Variants in DBH observed in about 807,000 individuals in gnomAD.
DBH encodes the protein dopamine beta-hydroxylase.
DBH carries 49 observed loss-of-function variants against 64.0 expected under a neutral mutation model. That is an observed-to-expected ratio of 0.77 (90% CI 0.61 to 0.97). DBH has a LOEUF of 0.97. Ranked by LOEUF, DBH falls within the 50% of genes least tolerant of loss-of-function variation. The probability of loss-of-function intolerance (pLI) is 0.00; values close to 1 mark genes in which losing one functional copy is unlikely to be tolerated. For synonymous variants in DBH, 343 were observed against 347.1 expected, an observed-to-expected ratio of 0.99 and a Z score of 0.13; for missense variants, 828 against 826.6, an observed-to-expected ratio of 1.00 and a Z score of -0.02.
At position 133,651,755 on chromosome 9, in the gene DBH, A is replaced by G. The variant is rs1321530510; in HGVS notation, c.1313A>G (p.Asn438Ser). 1.2e-6 allele frequency: 2 copies of G among 1,611,358 alleles called. No homozygotes were observed. The highest frequency in any genetic ancestry group is 1.3e-5 in the African/African-American group (1 of 74,894). Residue 438 changes from asparagine to serine, a missense_variant, in exon 7 of 12, where the codon AAT (asparagine) becomes AGT (serine). Coordinates refer to ENST00000393056, the MANE Select transcript of DBH (RefSeq NM_000787.4). ...GREWEIVNQD[N>S]HYSPHFQEIR... ...GAGTGGGAGATCGTGAACCAGGACAATCACTACAGCCCTCACTTCCAGGTA... is the reference window on the plus strand; with the variant it reads ...GAGTGGGAGATCGTGAACCAGGACAGTCACTACAGCCCTCACTTCCAGGTA...
intron 11 of DBH, chr9:133,657,444 A>G (rs1323394969): frequency 2.6e-6 from 1 of 386,900 alleles, no homozygotes; most frequent in Non-Finnish European, 4.7e-6. Context: ...GAGAGAGAGG[A>G]GAGAGAGGAG....
rs1832141166 is a variant in DBH at position 133,643,463 on chromosome 9, A to T, written c.795A>T (p.Glu265Asp). The change falls in exon 4 of 12, where the codon GAA (glutamate) becomes GAT (aspartate). Residue 265 changes from glutamate to aspartate, a missense_variant. Transcript: ENST00000393056. The surrounding 1 kb of genome is among the most constrained non-coding windows in gnomAD (Gnocchi z 5.3). ...KGNEALVHHMEVFQCAPEMDS... is the reference protein window; with the variant it reads ...KGNEALVHHMDVFQCAPEMDS... ...ATGAGGCCCTTGTCCACCACATGGA[A>T]GTCTTCCAGTGCGCCCCCGAGATGG... 6.2e-7 allele frequency: 1 copy of T among 1,612,636 alleles called. No homozygotes were observed. Among genetic ancestry groups the T allele is most frequent in the Admixed American group, 1.7e-5 (1 of 59,910 alleles).
intron 5 of DBH, among the ~76,000 whole-genome samples, chr9:133,645,032 A>G (rs554343752): frequency 6.6e-6 from 1 of 152,220 alleles, no homozygotes; most frequent in South Asian, 2.1e-4. Context: ...CTCTCTCTGA[A>G]TGGTGCTTCT....
chr9:133,637,981 A>G (rs1444487149), intron 1 of DBH, among the ~76,000 whole-genome samples: 1 of 152,238 alleles, frequency 6.6e-6, no homozygotes, highest in Non-Finnish European at 1.5e-5. Flanking sequence ...GCTGAACCCC[A>G]TCGCTGACAG....
rs1249628400 is a variant in DBH, at chr9:133,636,449, G to A, written c.78G>A (p.Val26=). Residue 26 remains valine (V), a synonymous_variant, in exon 1 of 12, where the codon GTG becomes GTA. Transcript: ENST00000393056. Reference sequence around the variant, plus strand: ...CAGCCTTCATGTACAGCACAGCAGTGGCCATCTTCCTGGTCATCCTGGTGG... The same window carrying A: ...CAGCCTTCATGTACAGCACAGCAGTAGCCATCTTCCTGGTCATCCTGGTGG... The part of the protein sequence containing the change: ...REAAFMYSTA[V]AIFLVILVAA... The A allele has an allele frequency of 1.2e-6, 2 of 1,612,690 alleles. No homozygotes were observed. The highest frequency in any genetic ancestry group is 2.2e-5 in the South Asian group (2 of 91,076).
chr9:133,643,852 A>C lies in DBH; in HGVS notation c.921+263A>C, dbSNP rs3025399. Among the ~76,000 whole-genome samples, 5,428 of 152,096 alleles carry C rather than the reference A, an allele frequency of 0.036. 168 individuals are homozygous for C. The highest frequency in any genetic ancestry group is 0.15 in the South Asian group (714 of 4,810). The stretch of plus-strand genomic sequence containing the variant: ...CAGTGGGTCCTGATTCTGTTTCCCA[A>C]CTGGAGTCAGGGTTTTGTGTACAGG... On this transcript the variant is annotated intron_variant, in intron 4 of 11. Coordinates refer to ENST00000393056, the MANE Select transcript of DBH (RefSeq NM_000787.4). The surrounding 1 kb of genome is among the most constrained non-coding windows in gnomAD (Gnocchi z 5.3).
chr9:133,657,204 A>G lies in DBH; in HGVS notation c.1697A>G (p.Asn566Ser). The change falls in exon 11 of 12, where the codon AAC becomes AGC. Residue 566 changes from asparagine to serine, a missense_variant. Coordinates refer to ENST00000393056, the MANE Select transcript of DBH (RefSeq NM_000787.4). ...TTCGCGCCCATCTCCATGCACTGCA[A>G]CAAGTCCTCAGCCGTCCGCTTCCAG... ...YSFAPISMHC[N>S]KSSAVRFQGE... 1.2e-6 allele frequency: 2 copies of G among 1,614,080 alleles called. No individual in the cohort carries two copies. The highest frequency in any genetic ancestry group is 1.1e-5 in the South Asian group (1 of 91,086).
chr9:133,640,457 A>T (rs1042823839), intron 2 of DBH, among the ~76,000 whole-genome samples: 5 of 152,096 alleles, frequency 3.3e-5, no homozygotes, highest in Non-Finnish European at 5.9e-5. Context: ...TAAAATGGAG[A>T]TGGGAACTAG....
chr9:133,637,298 C>T (rs1229051501), intron 1 of DBH, among the ~76,000 whole-genome samples: 1 of 152,248 alleles, frequency 6.6e-6, no homozygotes, highest in South Asian at 2.1e-4. Flanking sequence ...GCTCTTGACT[C>T]CTTTCCGTCC....
chr9:133,642,183 A>G, intron 2 of DBH, 24 bp from the exon 3 acceptor site: 1 of 1,611,692 alleles, frequency 6.2e-7, no homozygotes, highest in Non-Finnish European at 8.5e-7. Context: ...GAGGGCGACC[A>G]GCTGAACCCT....
At chr9:133,641,887 G>T (rs1312734630) in intron 2 of DBH, among the ~76,000 whole-genome samples, 5 of 152,246 alleles carry the variant, frequency 3.3e-5, no homozygotes, top group Admixed American at 2.6e-4. Context: ...GGTTGGTGGA[G>T]GGAACAAATG....
intron 5 of DBH, among the ~76,000 whole-genome samples, chr9:133,645,189 G>T (rs902746008): frequency 2.0e-5 from 3 of 151,052 alleles, no homozygotes; most frequent in Non-Finnish European, 4.4e-5. Flanking sequence ...AAAGGCTCAC[G>T]CACAGAACTT....
rs1349325572 is a variant in DBH, at chr9:133,636,656, T to C, written c.285T>C (p.Leu95=). Residue 95 remains leucine, a synonymous_variant, in exon 1 of 12, where the codon CTT becomes CTC. Transcript: ENST00000393056. ...TTGGGATGTCCGACCGTGGCGAGCTTGAGAACGCAGATCTCGTGGTGCTCT... is the reference window on the plus strand; with the variant it reads ...TTGGGATGTCCGACCGTGGCGAGCTCGAGAACGCAGATCTCGTGGTGCTCT... ...VLFGMSDRGE[L]ENADLVVLWT... 2.5e-6 allele frequency: 4 copies of C among 1,611,226 alleles called. No homozygotes were observed. Among genetic ancestry groups the C allele is most frequent in the Non-Finnish European group, 3.4e-6 (4 of 1,179,868 alleles).
chr9:133,643,688 AG>A lies in DBH; in HGVS notation c.921+103del. The A allele has an allele frequency of 7.0e-7, 1 of 1,437,002 alleles. No homozygotes were observed. The highest frequency in any genetic ancestry group is 9.5e-7 in the Non-Finnish European group (1 of 1,048,536). The allele number at this position is 1,437,002 out of a possible 1,614,324, so 89.0% of individuals were successfully genotyped here. A position where few individuals can be genotyped will look rare whatever the true frequency, so the allele number is the denominator to read the frequency against. Reference sequence around the variant, plus strand: ...CTTCACCGTCTCAGAGGCTTCAAGAAGGGGCTCCCAAGGGGGCTCACGAGGC... The same window carrying A: ...CTTCACCGTCTCAGAGGCTTCAAGAAGGGCTCCCAAGGGGGCTCACGAGGC... On this transcript the variant is annotated intron_variant, in intron 4 of 11. Transcript: ENST00000393056. This position sits in a 1 kb window ranked among gnomAD's most constrained non-coding sequence, Gnocchi z 5.3.
intron 3 of DBH, 77 bp downstream of exon 3, chr9:133,642,541 G>C (rs904530455): frequency 6.6e-7 from 1 of 1,523,714 alleles, no homozygotes; most frequent in African/African-American, 1.4e-5. Context: ...TGACCCTGGA[G>C]AGCTGTCCAC....
chr9:133,654,522 T>A (rs1304903931), intron 9 of DBH: 1 of 152,228 alleles, frequency 6.6e-6, no homozygotes, highest in Non-Finnish European at 1.5e-5. Flanking sequence ...CCTTCCTGTC[T>A]CCCTTGGATT....
At position 133,636,419 on chromosome 9, in the gene DBH, G is replaced by T. The variant is rs1406636414; in HGVS notation, c.48G>T (p.Arg16=). The T allele has an allele frequency of 1.2e-6, 2 of 1,612,552 alleles. No individual in the cohort carries two copies. Residue 16 remains arginine, a synonymous_variant, in exon 1 of 12, where the codon CGG becomes CGT. Coordinates refer to ENST00000393056, the MANE Select transcript of DBH (RefSeq NM_000787.4). ...CCAGCCTGCCCGGCCCCAGCATGCG[G>T]GAGGCAGCCTTCATGTACAGCACAG... ...RWASLPGPSM[R]EAAFMYSTAV... is the part of the protein sequence containing the mutation.
At chr9:133,653,825 G>T (rs989326782) in intron 9 of DBH, among the ~76,000 whole-genome samples, 14 of 152,248 alleles carry the variant, frequency 9.2e-5, no homozygotes, top group Admixed American at 7.8e-4. Context: ...CAAAGGGGAT[G>T]CTGTTCACAA....
rs780246471 is a variant in DBH at position 133,636,404 on chromosome 9, C to T, written c.33C>T (p.Pro11=). 38 of 1,611,598 alleles carry T rather than the reference C, an allele frequency of 2.4e-5. No homozygotes were observed. Among genetic ancestry groups the T allele is most frequent in the Middle Eastern group, 3.3e-4 (2 of 6,028 alleles). Residue 11 remains proline, a synonymous_variant, in exon 1 of 12, where the codon CCC becomes CCT. Coordinates refer to ENST00000393056, the MANE Select transcript of DBH (RefSeq NM_000787.4). ...CCCTCAGTCGCTGGGCCAGCCTGCC[C>T]GGCCCCAGCATGCGGGAGGCAGCCT... MPALSRWASL[P]GPSMREAAFM...
Sources: allele counts gnomAD v4.1 joint callset (sites outside exome capture counted in the v4.1 genomes callset), GRCh38; gene constraint gnomAD v4.1.1; non-coding constraint Gnocchi (gnomAD v3.1); transcripts MANE v1.5; gene names NCBI Gene and HGNC (gene_info 2026-07-23, HGNC 2026-07-21).